Variants in SPAG16 observed in about 807,000 individuals in gnomAD.
SPAG16 encodes the protein sperm-associated antigen 16 protein.
Under a neutral mutation model 80.4 loss-of-function variants are expected in SPAG16, and 86 were observed. The ratio of observed to expected loss-of-function variants is 1.07; its 90% CI spans 0.90 to 1.28. The LOEUF (loss-of-function observed/expected upper bound fraction) is 1.28. Ranked by LOEUF, SPAG16 falls within the 50% of genes most tolerant of loss-of-function variation. The pLI, the probability that SPAG16 is intolerant of heterozygous loss-of-function variation, is 0.00. For missense variants in SPAG16, 870 were observed against 765.3 expected, an observed-to-expected ratio of 1.14 and a Z score of -1.61; for synonymous variants, 294 against 265.9, an observed-to-expected ratio of 1.11 and a Z score of -1.03.
intron 11 of SPAG16, among the ~76,000 whole-genome samples, chr2:213,874,355 C>T (rs1454269567): frequency 6.6e-6 from 1 of 152,134 alleles, no homozygotes; most frequent in Non-Finnish European, 1.5e-5. Context: ...GAAACACAAA[C>T]TGTACAGCTG....
intron 9 of SPAG16, among the ~76,000 whole-genome samples, chr2:213,389,507 G>A (rs2067625336): frequency 6.6e-6 from 1 of 151,954 alleles, no homozygotes; most frequent in African/African-American, 2.4e-5. Context: ...CATATATCTG[G>A]CAAGGAATTA....
intron 15 of SPAG16, among the ~76,000 whole-genome samples, chr2:214,276,449 T>C (rs1010188688): frequency 2.0e-5 from 3 of 152,258 alleles, no homozygotes; most frequent in African/African-American, 7.2e-5. Flanking sequence ...TTCCTTTCCA[T>C]GTTTAGTGCT....
At chr2:214,175,614 A>C (rs894546510) in intron 15 of SPAG16, among the ~76,000 whole-genome samples, 19 of 151,456 alleles carry the variant, frequency 1.3e-4, no homozygotes, top group African/African-American at 2.9e-4. Context: ...AAGCCAAAAC[A>C]AAAAAGAGCA....
intron 10 of SPAG16, among the ~76,000 whole-genome samples, chr2:213,780,964 A>G (rs2069926154): frequency 6.6e-6 from 1 of 152,176 alleles, no homozygotes; most frequent in Non-Finnish European, 1.5e-5. Context: ...TAGTCCACAG[A>G]AGACTAGACA....
At chr2:214,406,728 T>C (rs1013617767) in intron 15 of SPAG16, among the ~76,000 whole-genome samples, 2 of 152,128 alleles carry the variant, frequency 1.3e-5, no homozygotes, top group Non-Finnish European at 2.9e-5. Context: ...AGGAGAAATT[T>C]AATTCTTGTC....
intron 9 of SPAG16, among the ~76,000 whole-genome samples, chr2:213,410,391 C>A (rs1420565214): frequency 6.6e-6 from 1 of 152,158 alleles, no homozygotes; most frequent in Non-Finnish European, 1.5e-5. Context: ...CCTCCTGACT[C>A]TTCTCAGACT....
intron 15 of SPAG16, among the ~76,000 whole-genome samples, chr2:214,263,074 C>A (rs1316901984): frequency 1.3e-5 from 2 of 151,994 alleles, no homozygotes; most frequent in Non-Finnish European, 2.9e-5. Context: ...ATAGTGAGAA[C>A]AATTAAGATC....
At chr2:213,550,596 C>A (rs961288481) in intron 10 of SPAG16, among the ~76,000 whole-genome samples, 4 of 152,054 alleles carry the variant, frequency 2.6e-5, no homozygotes, top group Non-Finnish European at 5.9e-5. Context: ...ACTTTTTTAT[C>A]TCTCAAGAAA....
intron 15 of SPAG16, among the ~76,000 whole-genome samples, chr2:214,210,250 C>A (rs2058255111): frequency 6.6e-6 from 1 of 151,042 alleles, no homozygotes. Flanking sequence ...GACCCTCGAA[C>A]ATGTTTGAAC....
chr2:213,421,381 C>T (rs1057079048), intron 9 of SPAG16, among the ~76,000 whole-genome samples: 1 of 152,214 alleles, frequency 6.6e-6, no homozygotes, highest in Non-Finnish European at 1.5e-5. Flanking sequence ...AAGAGAGAGG[C>T]CAAAGGGGTA....
intron 15 of SPAG16, among the ~76,000 whole-genome samples, chr2:214,199,339 G>A (rs558577873): frequency 9.4e-4 from 143 of 152,112 alleles, no homozygotes; most frequent in Middle Eastern, 3.4e-3. Context: ...AGTTTTCCCA[G>A]CACCATTTAT....
At chr2:214,071,098 T>TA (rs2050770253) in intron 13 of SPAG16, among the ~76,000 whole-genome samples, 1 of 152,088 alleles carries the variant, frequency 6.6e-6, no homozygotes, top group Admixed American at 6.6e-5. Flanking sequence ...CAAAGAATAT[T>TA]GAGTAGTTTC....
chr2:213,650,450 ACT>A (rs2062979265), intron 10 of SPAG16, among the ~76,000 whole-genome samples: 3 of 151,926 alleles, frequency 2.0e-5, no homozygotes, highest in African/African-American at 7.3e-5. Flanking sequence ...TCTGATTCAC[ACT>A]CCTTCTTTAA....
intron 10 of SPAG16, among the ~76,000 whole-genome samples, chr2:213,834,309 A>G (rs1032616317): frequency 5.3e-5 from 8 of 152,210 alleles, no homozygotes; most frequent in Non-Finnish European, 8.8e-5. Flanking sequence ...GCAAAGCTCT[A>G]CATGACATGG....
At chr2:213,501,946 G>C (rs1328544145) in intron 10 of SPAG16, among the ~76,000 whole-genome samples, 1 of 152,128 alleles carries the variant, frequency 6.6e-6, no homozygotes, top group Non-Finnish European at 1.5e-5. Context: ...TTTAGATACT[G>C]AATTAGCCCA....
intron 9 of SPAG16, among the ~76,000 whole-genome samples, chr2:213,404,438 A>G (rs1019937696): frequency 1.3e-5 from 2 of 152,186 alleles, no homozygotes; most frequent in African/African-American, 4.8e-5. Context: ...GACAAACCTG[A>G]CAAAAACAAG....
At chr2:213,915,085 T>G (rs1209375324) in intron 11 of SPAG16, among the ~76,000 whole-genome samples, 8 of 151,684 alleles carry the variant, frequency 5.3e-5, no homozygotes, top group Non-Finnish European at 1.2e-4. Context: ...ACGTCTTACA[T>G]GGTGGAGGCC....
intron 15 of SPAG16, among the ~76,000 whole-genome samples, chr2:214,340,548 C>A (rs899292333): frequency 6.6e-6 from 1 of 152,146 alleles, no homozygotes; most frequent in Admixed American, 6.5e-5. Context: ...AGTGCCCTGC[C>A]CCAGAGCATG....
At chr2:213,649,747 A>T (rs2062956594) in intron 10 of SPAG16, among the ~76,000 whole-genome samples, 1 of 151,978 alleles carries the variant, frequency 6.6e-6, no homozygotes, top group Non-Finnish European at 1.5e-5. Context: ...GCTAATTTAA[A>T]ATAAAATATT....
Sources: gnomAD v4.1 joint callset for allele counts (sites outside exome capture counted in the v4.1 genomes callset) on GRCh38, gnomAD v4.1.1 for gene constraint, MANE v1.5 for transcripts, NCBI Gene and HGNC (gene_info 2026-07-23, HGNC 2026-07-21) for gene names.